Variants in HNMT observed in about 807,000 individuals in gnomAD.
HNMT encodes the protein histamine N-methyltransferase.
HNMT carries 30 observed loss-of-function variants against 32.1 expected under a neutral mutation model. That is an observed-to-expected ratio of 0.93 (90% CI 0.70 to 1.27). The LOEUF is 1.27. Ranked by LOEUF, HNMT falls within the 50% of genes most tolerant of loss-of-function variation. The pLI, the probability that HNMT is intolerant of heterozygous loss-of-function variation, is 0.00. For missense variants in HNMT, 327 were observed against 346.0 expected (o/e 0.95, Z 0.43); for synonymous variants, 125 against 119.0 (o/e 1.05, Z -0.33).
chr2:137,972,921 T>G (rs985048607), intron 2 of HNMT, among the ~76,000 whole-genome samples: 2 of 152,212 alleles, frequency 1.3e-5, no homozygotes, highest in African/African-American at 4.8e-5. Context: ...ACGTTTGGCC[T>G]GCACAGTGAG....
In HNMT at chr2:137,981,214, A is replaced by C. The variant is rs779947368; in HGVS notation, c.190+10997A>C. 1.1e-5 allele frequency: 18 copies of C among 1,613,264 alleles called. No homozygotes were observed. Among genetic ancestry groups the C allele is most frequent in the Admixed American group, 1.7e-5 (1 of 59,930 alleles). On this transcript the variant is annotated intron_variant, in intron 2 of 5. Coordinates refer to ENST00000280097, the MANE Select transcript of HNMT (RefSeq NM_006895.3). ...TTAATCCCCTATTTTCTTGACCTGC[A>C]GATTGTCTCATTCGGGGAAGCTCCA...
intron 4 of HNMT, among the ~76,000 whole-genome samples, chr2:138,003,596 T>G (rs1044532385): frequency 6.6e-6 from 1 of 152,086 alleles, no homozygotes; most frequent in Non-Finnish European, 1.5e-5. Context: ...TCTACCAGAC[T>G]TGCTTTTGTT....
chr2:138,008,463 T>A (rs1015125188), intron 5 of HNMT, among the ~76,000 whole-genome samples: 2 of 152,024 alleles, frequency 1.3e-5, no homozygotes, highest in Non-Finnish European at 1.5e-5. Flanking sequence ...TGTGCATGTG[T>A]CTTTATGACA....
intron 2 of HNMT, among the ~76,000 whole-genome samples, chr2:137,981,845 T>G (rs1453913424): frequency 6.6e-5 from 10 of 152,210 alleles, no homozygotes; most frequent in Admixed American, 4.6e-4. Flanking sequence ...TCTACAGGCT[T>G]CTTCTTATTA....
At chr2:137,989,125 G>A (rs949026031) in intron 2 of HNMT, among the ~76,000 whole-genome samples, 1 of 151,998 alleles carries the variant, frequency 6.6e-6, no homozygotes, top group African/African-American at 2.4e-5. Context: ...TTTCCTTTTG[G>A]TGTTGTATTC....
intron 2 of HNMT, among the ~76,000 whole-genome samples, chr2:137,980,037 G>GTTT (rs1275439077): frequency 1.4e-5 from 2 of 139,764 alleles, no homozygotes; most frequent in African/African-American, 5.3e-5. Flanking sequence ...CCTGTAACAG[G>GTTT]TTTTTTTTTT....
At chr2:138,013,645 C>T (rs1681576837) in intron 5 of HNMT, 130 bp from the exon 6 acceptor site, 3 of 660,814 alleles carry the variant, frequency 4.5e-6, no homozygotes, top group Non-Finnish European at 7.7e-6. Context: ...CTCCTGTACT[C>T]CTTGAAATAT....
rs1235750533 is a variant in HNMT, at chr2:138,013,780, A to T, written c.529A>T (p.Ser177Cys). The T allele has an allele frequency of 1.9e-6, 3 of 1,609,598 alleles. No individual in the cohort carries two copies. The highest frequency in any genetic ancestry group is 1.7e-6 in the Non-Finnish European group (2 of 1,176,722). The change falls in exon 6 of 6, where the codon AGT becomes TGT. Residue 177 changes from serine to cysteine, a missense_variant. Coordinates refer to ENST00000280097, the MANE Select transcript of HNMT (RefSeq NM_006895.3). ...KMLIIVVSGS[S>C]GWDKLWKKYG... ...ACTTGTGTTTTATTGCACAGGAAGC[A>T]GTGGCTGGGACAAGCTGTGGAAAAA...
At chr2:137,989,676 T>C (rs1314236979) in intron 2 of HNMT, among the ~76,000 whole-genome samples, 1 of 152,222 alleles carries the variant, frequency 6.6e-6, no homozygotes, top group Non-Finnish European at 1.5e-5. Flanking sequence ...ACTGCCAAAC[T>C]GTATTCCAAA....
chr2:137,969,624 T>C (rs1280310171), intron 1 of HNMT, among the ~76,000 whole-genome samples: 5 of 152,158 alleles, frequency 3.3e-5, no homozygotes, highest in African/African-American at 9.7e-5. Context: ...CTCCACTCTA[T>C]TTCTAGTACC....
chr2:137,986,635 A>G (rs756670395), intron 2 of HNMT, among the ~76,000 whole-genome samples: 2 of 152,236 alleles, frequency 1.3e-5, no homozygotes, highest in Non-Finnish European at 2.9e-5. Context: ...ATGGCCCAGT[A>G]GAGATGACAC....
chr2:138,012,148 T>A (rs192533001), intron 5 of HNMT, among the ~76,000 whole-genome samples: 1 of 152,278 alleles, frequency 6.6e-6, no homozygotes, highest in Admixed American at 6.5e-5. Context: ...TTATAAGCAC[T>A]TATTACACAT....
intron 2 of HNMT, among the ~76,000 whole-genome samples, chr2:137,974,870 A>T (rs1044051090): frequency 7.2e-5 from 11 of 152,272 alleles, no homozygotes; most frequent in Admixed American, 1.3e-4. Flanking sequence ...TTTTTGTAAT[A>T]ATTTTTCTGA....
chr2:137,984,719 C>G (rs942525570), intron 2 of HNMT, among the ~76,000 whole-genome samples: 1 of 151,860 alleles, frequency 6.6e-6, no homozygotes, highest in African/African-American at 2.4e-5. Flanking sequence ...ATCAGTTGTC[C>G]TGATTTTACA....
At chr2:137,967,034 G>T in intron 1 of HNMT, 1 of 778,186 alleles carries the variant, frequency 1.3e-6, no homozygotes, top group South Asian at 1.3e-5. Context: ...ACTGGATATA[G>T]AACTCTATAC....
At chr2:138,010,242 T>C (rs1464670797) in intron 5 of HNMT, among the ~76,000 whole-genome samples, 1 of 152,042 alleles carries the variant, frequency 6.6e-6, no homozygotes, top group African/African-American at 2.4e-5. Flanking sequence ...AGTAAATATG[T>C]TTTAATTGAA....
chr2:137,992,888 C>T (rs528044788), intron 2 of HNMT, among the ~76,000 whole-genome samples: 161 of 152,128 alleles, frequency 1.1e-3, no homozygotes, highest in Non-Finnish European at 1.5e-3. Context: ...GGCACAGCAG[C>T]GAATCAGATA....
At chr2:137,999,057 G>A (rs1213190028) in intron 2 of HNMT, among the ~76,000 whole-genome samples, 3 of 152,056 alleles carry the variant, frequency 2.0e-5, no homozygotes, top group Admixed American at 6.6e-5. Context: ...TAGCATTTGT[G>A]ATCTTTCTAC....
chr2:137,982,645 A>G (rs1293926167), intron 2 of HNMT, among the ~76,000 whole-genome samples: 2 of 152,244 alleles, frequency 1.3e-5, no homozygotes, highest in African/African-American at 2.4e-5. Context: ...AAAATCCACA[A>G]TTCAGCTGAT....
Sources: allele counts gnomAD v4.1 joint callset (sites outside exome capture counted in the v4.1 genomes callset), GRCh38; gene constraint gnomAD v4.1.1; transcripts MANE v1.5; gene names NCBI Gene and HGNC (gene_info 2026-07-23, HGNC 2026-07-21).